LRRC2: variants seen among roughly 807,000 people sequenced by gnomAD.
LRRC2 encodes leucine-rich repeat-containing protein 2.
LRRC2 carries 27 observed loss-of-function variants against 40.2 expected under a neutral mutation model. That is an observed-to-expected ratio of 0.67 (90% CI 0.49 to 0.93). The LOEUF is 0.93. Among genes scored for constraint, LRRC2 ranks in the 40% least tolerant of loss-of-function variants. The pLI, the probability that LRRC2 is intolerant of heterozygous loss-of-function variation, is 0.00. For missense variants in LRRC2, 402 were observed against 439.6 expected, an observed-to-expected ratio of 0.91 and a Z score of 0.76; for synonymous variants, 147 against 158.9, an observed-to-expected ratio of 0.92 and a Z score of 0.56.
chr3:46,532,553 TGAG>T (rs1483891503), intron 5 of LRRC2, among the ~76,000 whole-genome samples: 1 of 151,834 alleles, frequency 6.6e-6, no homozygotes, highest in African/African-American at 2.4e-5. Context: ...TGCAGTGAGC[TGAG>T]ATCACACCAC....
intron 2 of LRRC2, 62 bp downstream of exon 2, chr3:46,551,405 G>A (rs28617572): frequency 0.09 from 140,494 of 1,568,546 alleles, 7,180 homozygotes; most frequent in East Asian, 0.17. Context: ...CAACGCAACT[G>A]TTGCCTGTCC....
intron 2 of LRRC2, among the ~76,000 whole-genome samples, chr3:46,549,799 C>G: frequency 6.6e-6 from 1 of 152,204 alleles, no homozygotes; most frequent in East Asian, 1.9e-4. Context: ...ACTCCCCTCC[C>G]CACTGCCAAG....
chr3:46,558,203 A>G (rs945473443), intron 1 of LRRC2: 2 of 152,362 alleles, frequency 1.3e-5, no homozygotes, highest in African/African-American at 4.8e-5. Flanking sequence ...TCTTCCTACT[A>G]CCTTGCCCCT....
chr3:46,536,127 A>C (rs1704265436), intron 4 of LRRC2, among the ~76,000 whole-genome samples: 1 of 152,222 alleles, frequency 6.6e-6, no homozygotes, highest in African/African-American at 2.4e-5. Flanking sequence ...GCATGGTTAC[A>C]TGTCTGTTTA....
At chr3:46,550,154 C>A (rs975007145) in intron 2 of LRRC2, among the ~76,000 whole-genome samples, 8 of 152,158 alleles carry the variant, frequency 5.3e-5, no homozygotes, top group Non-Finnish European at 1.2e-4. Context: ...GAGGCAAGGG[C>A]TTGGCCACAT....
Position 46,565,717 on chromosome 3 carries a change from G to A in LRRC2, c.-20+460C>T, listed in dbSNP as rs1050480222. On this transcript the variant is annotated intron_variant, in intron 1 of 8. Transcript: ENST00000395905. ...TGCCTCAGGCCTGTCCCCACCCCAA[G>A]CCAGGGGGCGTGAGACGCTGGAAGA... Among the ~76,000 whole-genome samples the A allele has an allele frequency of 3.3e-5, 5 of 152,292 alleles. No homozygotes were observed. In the South Asian group the frequency reaches 8.3e-4, roughly 25 times the overall value.
At chr3:46,537,197 C>T (rs1163406093) in intron 4 of LRRC2, among the ~76,000 whole-genome samples, 2 of 152,266 alleles carry the variant, frequency 1.3e-5, no homozygotes, top group South Asian at 2.1e-4. Flanking sequence ...GTGCCATCAC[C>T]GCTCACTGCA....
chr3:46,538,058 G>T (rs1405317745), intron 4 of LRRC2, among the ~76,000 whole-genome samples: 1 of 152,210 alleles, frequency 6.6e-6, no homozygotes, highest in African/African-American at 2.4e-5. Flanking sequence ...GGGTAAGAGG[G>T]TGGTCAGAGC....
At chr3:46,533,779 C>CTTTCTTTCTTTCTTTCTTTGTTTGTTTG (rs1559411918) in intron 4 of LRRC2, among the ~76,000 whole-genome samples, 3 of 132,090 alleles carry the variant, frequency 2.3e-5, no homozygotes, top group East Asian at 2.5e-4. Context: ...CCTCTCTTTT[C>CTTTCTTTCTTTCTTTCTTTGTTTGTTTG]TTTCTTTCTT....
rs1703893530 is a variant in LRRC2 at position 46,517,882 on chromosome 3, A to G, written c.*1132T>C. 1 of 152,272 alleles carries G rather than the reference A, an allele frequency of 6.6e-6. No homozygotes were observed. Among genetic ancestry groups the G allele is most frequent in the Non-Finnish European group, 1.5e-5 (1 of 68,062 alleles). 9.4% of individuals were successfully genotyped at this position (152,272 alleles called of 1,614,324 possible). ...GAGTTGTCCTGTGGTACCCACAAGG[A>G]AGCCTTGCTAGGAACTCCTTATCAG... is the stretch of plus-strand genomic sequence containing the variant. On this transcript the variant is annotated 3_prime_UTR_variant, in exon 9 of 9. Coordinates refer to ENST00000395905, the MANE Select transcript of LRRC2 (RefSeq NM_024512.5).
intron 1 of LRRC2, among the ~76,000 whole-genome samples, chr3:46,556,313 G>A (rs1417878333): frequency 5.9e-5 from 9 of 151,978 alleles, no homozygotes; most frequent in East Asian, 1.9e-4. Context: ...TTTTTGCAGC[G>A]ATAAGGTCTC....
At chr3:46,529,821 G>T (rs545563021) in intron 6 of LRRC2, 84 bp downstream of exon 6, 3 of 1,385,786 alleles carry the variant, frequency 2.2e-6, no homozygotes, top group Non-Finnish European at 3.0e-6. Flanking sequence ...GAACATTCAT[G>T]TACTATACAT....
intron 6 of LRRC2, among the ~76,000 whole-genome samples, 169 bp from the exon 7 acceptor site, chr3:46,527,750 C>T (rs1377184286): frequency 6.6e-6 from 1 of 150,966 alleles, no homozygotes; most frequent in East Asian, 1.9e-4. Context: ...TTTTTTGAGA[C>T]AAGGTGTTAT....
At chr3:46,538,357 G>T (rs546284923) in intron 4 of LRRC2, among the ~76,000 whole-genome samples, 29 of 152,284 alleles carry the variant, frequency 1.9e-4, no homozygotes, top group Non-Finnish European at 3.4e-4. Context: ...ACATCAGGCT[G>T]GTTACTGTGG....
rs200175363 is a variant in LRRC2 at position 46,545,044 on chromosome 3, A to G, written c.333+2T>C. The G allele has an allele frequency of 6.0e-5, 96 of 1,612,062 alleles. No individual in the cohort carries two copies. Among genetic ancestry groups the G allele is most frequent in the Non-Finnish European group, 8.1e-5 (95 of 1,179,748 alleles). On this transcript the variant is annotated splice_donor_variant, in intron 3 of 8. Coordinates refer to ENST00000395905, the MANE Select transcript of LRRC2 (RefSeq NM_024512.5). LOFTEE classifies it high-confidence loss of function. ...CATTGGGCGAGAACTGCCTCGACTCACCGTCCAGTGCTCCCCAGAAAGTTC... is the reference window on the plus strand; with the variant it reads ...CATTGGGCGAGAACTGCCTCGACTCGCCGTCCAGTGCTCCCCAGAAAGTTC...
In LRRC2 at chr3:46,515,711, T is replaced by C. The variant is rs1703847905; in HGVS notation, c.*3303A>G. 1 of 152,186 alleles carries C rather than the reference T, an allele frequency of 6.6e-6. No individual in the cohort carries two copies. Among genetic ancestry groups the C allele is most frequent in the African/African-American group, 2.4e-5 (1 of 41,446 alleles). The allele number at this position is 152,186 out of a possible 1,614,324, so 9.4% of individuals were successfully genotyped here. On this transcript the variant is annotated 3_prime_UTR_variant, in exon 9 of 9. Coordinates refer to ENST00000395905, the MANE Select transcript of LRRC2 (RefSeq NM_024512.5). Reference sequence around the variant, plus strand: ...AGGTTTTTAAACAAAAAACTGATTTTATTAAAATAAAATTTACATAAATTA... The same window carrying C: ...AGGTTTTTAAACAAAAAACTGATTTCATTAAAATAAAATTTACATAAATTA...
intron 1 of LRRC2, among the ~76,000 whole-genome samples, chr3:46,564,481 G>A (rs1022585277): frequency 6.6e-6 from 1 of 152,158 alleles, no homozygotes; most frequent in African/African-American, 2.4e-5. Flanking sequence ...TGGGTTGCTA[G>A]GTAGGAGGTG....
At chr3:46,559,469 CA>C (rs1193243961) in intron 1 of LRRC2, 1 of 152,254 alleles carries the variant, frequency 6.6e-6, no homozygotes, top group Non-Finnish European at 1.5e-5. Context: ...CTAGATCAAC[CA>C]GACACATCAC....
chr3:46,526,742 C>T (rs1446184556), intron 7 of LRRC2, among the ~76,000 whole-genome samples: 3 of 152,228 alleles, frequency 2.0e-5, no homozygotes, highest in East Asian at 3.8e-4. Context: ...TTAACAGCCA[C>T]CTGGTGCTCA....
Sources: gnomAD v4.1 joint callset for allele counts (sites outside exome capture counted in the v4.1 genomes callset) on GRCh38, gnomAD v4.1.1 for gene constraint, MANE v1.5 for transcripts, NCBI Gene and HGNC (gene_info 2026-07-23, HGNC 2026-07-21) for gene names.